PTPRQ: variants seen among roughly 807,000 people sequenced by gnomAD.
PTPRQ encodes protein tyrosine phosphatase receptor type Q, also known as phosphatidylinositol phosphatase PTPRQ.
A neutral mutation model predicts 246.0 loss-of-function variants in PTPRQ; 199 were observed. That is an observed-to-expected ratio of 0.81 (90% CI 0.72 to 0.91). PTPRQ has a LOEUF of 0.91. Among genes scored for constraint, PTPRQ ranks in the 40% least tolerant of loss-of-function variants. PTPRQ has a pLI of 0.00. For synonymous variants in PTPRQ, 869 were observed against 853.2 expected (o/e 1.02, Z -0.32); for missense variants, 2,624 against 2,528.4 (o/e 1.04, Z -0.81).
intron 25 of PTPRQ, among the ~76,000 whole-genome samples, chr12:80,584,467 T>C (rs920775704): frequency 3.9e-5 from 6 of 152,188 alleles, no homozygotes; most frequent in Admixed American, 3.3e-4. Flanking sequence ...TGTTTTGCAA[T>C]TACCAGACTG....
At chr12:80,586,318 G>C (rs1428420270) in intron 25 of PTPRQ, among the ~76,000 whole-genome samples, 1 of 151,388 alleles carries the variant, frequency 6.6e-6, no homozygotes, top group East Asian at 1.9e-4. Flanking sequence ...CTGGCCATCA[G>C]AGAAATGCAA....
rs75250769 is a variant in PTPRQ at position 80,490,651 on chromosome 12, A to G, written c.1360-2624A>G. On this transcript the variant is annotated intron_variant, in intron 9 of 44. Transcript: ENST00000644991. The stretch of plus-strand genomic sequence containing the variant: ...CCAGGGAAGCTGCTAAACATCCTAC[A>G]ATGTACAGGACAGCCTCCGCAACAG... Among the ~76,000 whole-genome samples, 113 of 152,074 alleles carry G rather than the reference A, an allele frequency of 7.4e-4. 1 individual carries two copies. The highest frequency in any genetic ancestry group is 2.5e-3 in the African/African-American group (104 of 41,526).
chr12:80,602,131 A>G (rs1407139455), intron 26 of PTPRQ, among the ~76,000 whole-genome samples: 1 of 151,734 alleles, frequency 6.6e-6, no homozygotes, highest in Non-Finnish European at 1.5e-5. Flanking sequence ...TACAGTTTTC[A>G]GAAGTACAAA....
Position 80,679,147 on chromosome 12 carries a change from C to T in PTPRQ, c.*124C>T. On this transcript the variant is annotated 3_prime_UTR_variant, in exon 45 of 45. Coordinates refer to ENST00000644991, the MANE Select transcript of PTPRQ (RefSeq NM_001145026.2). ...AATATCTATGCTTCTCTCACTGTGC[C>T]TTTCCAAACGGATTGAACATTTTAA... 1 of 1,191,652 alleles carries T rather than the reference C, an allele frequency of 8.4e-7. No homozygotes were observed. The highest frequency in any genetic ancestry group is 2.1e-5 in the South Asian group (1 of 47,014). 73.8% of individuals were successfully genotyped at this position (1,191,652 alleles called of 1,614,324 possible).
chr12:80,658,604 A>G (rs1422285066), intron 39 of PTPRQ, among the ~76,000 whole-genome samples: 1 of 152,048 alleles, frequency 6.6e-6, no homozygotes, highest in Non-Finnish European at 1.5e-5. Flanking sequence ...TGAAACTCTA[A>G]AAAATTCCTG....
intron 6 of PTPRQ, among the ~76,000 whole-genome samples, chr12:80,466,312 C>A (rs1338044818): frequency 1.3e-5 from 2 of 152,094 alleles, no homozygotes; most frequent in East Asian, 3.9e-4. Context: ...ATGTGAAGGA[C>A]CTCTTCAAGG....
Position 80,669,466 on chromosome 12 carries a change from TA to T in PTPRQ, c.6453+12del, listed in dbSNP as rs749210663. ...ATCAGGGATCTGAAAATTGAAAGGG[TA>T]AAAAAAAAAGGGGGGGACGAGAGAA... On this transcript the variant is annotated splice_donor_region_variant and intron_variant, in intron 41 of 44. Transcript: ENST00000644991. 12,497 of 1,135,192 alleles carry T rather than the reference TA, an allele frequency of 0.011. No individual in the cohort carries two copies. Among genetic ancestry groups the T allele is most frequent in the Admixed American group, 0.033 (1,102 of 32,948 alleles). The allele number at this position is 1,135,192 out of a possible 1,614,324, so 70.3% of individuals were successfully genotyped here. A position where few individuals can be genotyped will look rare whatever the true frequency, so the allele number is the denominator to read the frequency against.
At chr12:80,580,350 C>T (rs947363030) in intron 25 of PTPRQ, among the ~76,000 whole-genome samples, 2 of 152,162 alleles carry the variant, frequency 1.3e-5, no homozygotes, top group African/African-American at 4.8e-5. Context: ...TTTAGAAAAT[C>T]TAAGCAAGCT....
intron 28 of PTPRQ, among the ~76,000 whole-genome samples, chr12:80,612,838 G>A (rs929271410): frequency 2.7e-5 from 4 of 150,276 alleles, no homozygotes; most frequent in African/African-American, 4.9e-5. Context: ...AACACTACTC[G>A]GCAATAAAAA....
Position 80,444,482 on chromosome 12 carries a change from C to T in PTPRQ, c.54+83C>T, listed in dbSNP as rs1008481361. The T allele has an allele frequency of 7.2e-6, 6 of 838,776 alleles. No homozygotes were observed. In the Admixed American group the frequency reaches 1.4e-4, roughly 19 times the overall value. 52.0% of individuals were successfully genotyped at this position (838,776 alleles called of 1,614,324 possible). On this transcript the variant is annotated intron_variant, in intron 1 of 44. Transcript: ENST00000644991. ...AGACTTGAATAGTTGTTCCTTGTGACAGTGAACTAGGATAGATAGAAATGC... is the reference window on the plus strand; with the variant it reads ...AGACTTGAATAGTTGTTCCTTGTGATAGTGAACTAGGATAGATAGAAATGC...
At chr12:80,599,987 A>C (rs1435539542) in intron 26 of PTPRQ, among the ~76,000 whole-genome samples, 4 of 151,970 alleles carry the variant, frequency 2.6e-5, no homozygotes, top group Non-Finnish European at 4.4e-5. Context: ...AGGATTCAAC[A>C]CAGAAAACTT....
intron 26 of PTPRQ, among the ~76,000 whole-genome samples, chr12:80,594,697 C>T (rs1897911238): frequency 6.6e-6 from 1 of 152,068 alleles, no homozygotes; most frequent in African/African-American, 2.4e-5. Context: ...ATTGTTAGTT[C>T]TTTTTACCTA....
chr12:80,535,540 T>C (rs1045883707), intron 19 of PTPRQ, among the ~76,000 whole-genome samples: 3 of 152,194 alleles, frequency 2.0e-5, no homozygotes, highest in Non-Finnish European at 4.4e-5. Flanking sequence ...TAATGTTTAA[T>C]GTCAGATGAA....
chr12:80,532,216 A>ATTTAT (rs990187743), intron 17 of PTPRQ, among the ~76,000 whole-genome samples: 3 of 151,828 alleles, frequency 2.0e-5, no homozygotes, highest in Non-Finnish European at 1.5e-5. Flanking sequence ...ATTTTATTTT[A>ATTTAT]TTTATTTTAT....
intron 3 of PTPRQ, among the ~76,000 whole-genome samples, chr12:80,455,221 C>A (rs1297810828): frequency 6.6e-6 from 1 of 152,124 alleles, no homozygotes; most frequent in Non-Finnish European, 1.5e-5. Context: ...TTGCTCTTTG[C>A]ACATTGTACT....
intron 25 of PTPRQ, among the ~76,000 whole-genome samples, chr12:80,554,078 A>AG (rs112515664): frequency 0.036 from 5,236 of 146,234 alleles, 305 homozygotes; most frequent in African/African-American, 0.12. Context: ...TAGGAGGGGC[A>AG]GGGGGGGTAG....
At chr12:80,577,545 C>A (rs570802157) in intron 25 of PTPRQ, among the ~76,000 whole-genome samples, 70 of 152,250 alleles carry the variant, frequency 4.6e-4, no homozygotes, top group African/African-American at 1.6e-3. Flanking sequence ...ACCATATTGG[C>A]CTCCAAACAG....
intron 43 of PTPRQ, among the ~76,000 whole-genome samples, chr12:80,677,024 T>C (rs1396877831): frequency 1.3e-5 from 2 of 152,116 alleles, no homozygotes; most frequent in East Asian, 1.9e-4. Flanking sequence ...TTCTTGGCAA[T>C]AACACATAAC....
intron 26 of PTPRQ, among the ~76,000 whole-genome samples, chr12:80,591,958 AAC>A (rs1897815925): frequency 6.6e-6 from 1 of 152,208 alleles, no homozygotes; most frequent in Non-Finnish European, 1.5e-5. Flanking sequence ...ATTAGCATAA[AAC>A]AACATATAAC....
Sources: gnomAD v4.1 joint callset for allele counts (sites outside exome capture counted in the v4.1 genomes callset) on GRCh38, gnomAD v4.1.1 for gene constraint, MANE v1.5 for transcripts, NCBI Gene and HGNC (gene_info 2026-07-23, HGNC 2026-07-21) for gene names.